SETD5: variants seen among roughly 807,000 people sequenced by gnomAD.
SETD5 encodes histone-lysine N-methyltransferase SETD5.
A neutral mutation model predicts 153.3 loss-of-function variants in SETD5; 44 were observed. That is an observed-to-expected ratio of 0.29 (90% CI 0.23 to 0.37). SETD5 has a LOEUF of 0.37. Among genes scored for constraint, SETD5 ranks in the 10% least tolerant of loss-of-function variants. SETD5 has a pLI of 1.00. For missense variants in SETD5, 1,544 were observed against 1,768.0 expected (o/e 0.87, Z 2.27); for synonymous variants, 716 against 645.2 (o/e 1.11, Z -1.66).
chr3:9,409,102 T>C (rs1375379540), intron 1 of SETD5, among the ~76,000 whole-genome samples: 2 of 152,156 alleles, frequency 1.3e-5, no homozygotes, highest in African/African-American at 4.8e-5. Context: ...AGATAATTGG[T>C]TGGAAAATGG....
chr3:9,466,711 T>C (rs2044625574), intron 18 of SETD5, among the ~76,000 whole-genome samples: 2 of 152,084 alleles, frequency 1.3e-5, no homozygotes, highest in South Asian at 2.1e-4. Context: ...TTGTGAAATA[T>C]CAAAAAGGTG....
intron 1 of SETD5, among the ~76,000 whole-genome samples, chr3:9,404,015 A>G (rs756425404): frequency 2.2e-4 from 34 of 152,364 alleles, no homozygotes; most frequent in Non-Finnish European, 4.1e-4. Context: ...ATATATGACA[A>G]GGTTTTTCAA....
chr3:9,399,191 T>G (rs2125386250), intron 1 of SETD5, among the ~76,000 whole-genome samples: 1 of 152,372 alleles, frequency 6.6e-6, no homozygotes, highest in South Asian at 2.1e-4. Context: ...GTTGGACAGA[T>G]GTTACATAGC....
chr3:9,433,855 G>T lies in SETD5; in HGVS notation c.82G>T (p.Val28Leu). ...DMAAGSDPES[V>L]EASPAVNEKS... ...TTCGCCTTTGTGCAGCCCTGAATCT[G>T]TGGAGGCTAGTCCAGCAGTTAATGA... Residue 28 changes from valine to leucine, a missense_variant, in exon 4 of 23, where the codon GTG (valine) becomes TTG (leucine). Coordinates refer to ENST00000402198, the MANE Select transcript of SETD5 (RefSeq NM_001080517.3). The T allele has an allele frequency of 6.2e-7, 1 of 1,613,846 alleles. No homozygotes were observed.
chr3:9,435,804 C>T lies in SETD5; in HGVS notation c.465C>T (p.His155=). The T allele has an allele frequency of 6.2e-7, 1 of 1,603,126 alleles. No homozygotes were observed. Among genetic ancestry groups the T allele is most frequent in the Non-Finnish European group, 8.5e-7 (1 of 1,174,620 alleles). ...CTGTGTTGTATACAGCAACACAGCACACACCTACAAGCATCACCTTAACTG... is the reference window on the plus strand; with the variant it reads ...CTGTGTTGTATACAGCAACACAGCATACACCTACAAGCATCACCTTAACTG... ...PSTVLYTATQ[H]TPTSITLTVR... Residue 155 remains histidine (H), a synonymous_variant, in exon 7 of 23, where the codon CAC becomes CAT. Coordinates refer to ENST00000402198, the MANE Select transcript of SETD5 (RefSeq NM_001080517.3).
intron 1 of SETD5, among the ~76,000 whole-genome samples, chr3:9,406,577 C>T (rs1439805456): frequency 7.0e-6 from 1 of 142,780 alleles, no homozygotes; most frequent in Non-Finnish European, 1.5e-5. Flanking sequence ...CACTGCACTC[C>T]AGCCTGGGCG....
chr3:9,465,715 T>C lies in SETD5; in HGVS notation c.2724+1043T>C, dbSNP rs11927241. ...TAGACCTCTACTTTTGGAGCAGACC[T>C]CTTTCTGGGTGAGGGAAAAAACCTC... On this transcript the variant is annotated intron_variant, in intron 18 of 22. Transcript: ENST00000402198. Among the ~76,000 whole-genome samples the C allele has an allele frequency of 1.9e-3, 283 of 152,336 alleles. 5 individuals are homozygous for C. Among genetic ancestry groups the C allele is most frequent in the African/African-American group, 6.2e-3 (258 of 41,586 alleles).
chr3:9,426,212 C>CTGTTTTTTTTTTTTTTTTTTTTTTTTT (rs1575321269), intron 2 of SETD5: 1 of 84,126 alleles, frequency 1.2e-5, no homozygotes, highest in Non-Finnish European at 2.3e-5. Context: ...TTCATCAGTC[C>CTGTTTTTTTTTTTTTTTTTTTTTTTTT]CTTTTTTTTT....
rs200137965 is a variant in SETD5 at position 9,445,200 on chromosome 3, A to G, written c.1340A>G (p.Lys447Arg). 2.6e-5 allele frequency: 42 copies of G among 1,613,746 alleles called. No individual in the cohort carries two copies. The highest frequency in any genetic ancestry group is 3.5e-5 in the Non-Finnish European group (41 of 1,179,810). Residue 447 changes from lysine (K) to arginine (R), a missense_variant, in exon 12 of 23, where the codon AAA (lysine) becomes AGA (arginine). This residue lies in a region of SETD5 where 782 missense variants were observed against 787.2 expected (regional missense o/e 0.99). Transcript: ENST00000402198. ...ACTAGACGTAGAAAAGCACGACGGA[A>G]AGAGCTAGAGATGGAGCAGCAGAAT... ...AETRRRKARRKELEMEQQNEA... is the reference protein window; with the variant it reads ...AETRRRKARRRELEMEQQNEA...
chr3:9,397,654 C>CGCCGCCGCT lies in SETD5; in HGVS notation c.-492_-491insTGCCGCCGC, dbSNP rs1553601362. On this transcript the variant is annotated 5_prime_UTR_variant, in exon 1 of 23. Coordinates refer to ENST00000402198, the MANE Select transcript of SETD5 (RefSeq NM_001080517.3). Reference sequence around the variant, plus strand: ...TCGGGCAGCGGGCTGAGTGAGCTGCCGCCGCCGCCGCCGCCGCCGCCGCCG... The same window carrying CGCCGCCGCT: ...TCGGGCAGCGGGCTGAGTGAGCTGCCGCCGCCGCTGCCGCCGCCGCCGCCGCCGCCGCCG... 1 of 8,968 alleles carries CGCCGCCGCT rather than the reference C, an allele frequency of 1.1e-4. No homozygotes were observed. 0.6% of individuals were successfully genotyped at this position (8,968 alleles called of 1,614,324 possible).
Position 9,440,627 on chromosome 3 carries a change from CCTA to C in SETD5, c.743_745del (p.Thr248del). 1 of 1,613,922 alleles carries C rather than the reference CCTA, an allele frequency of 6.2e-7. No individual in the cohort carries two copies. Among genetic ancestry groups the C allele is most frequent in the Non-Finnish European group, 8.5e-7 (1 of 1,179,844 alleles). On this transcript the variant is annotated inframe_deletion, in exon 8 of 23. Coordinates refer to ENST00000402198, the MANE Select transcript of SETD5 (RefSeq NM_001080517.3). ...TTCTAGCAAGGAATTTGTGGGCAAA[CCTA>C]CTATTTTAGACACTATTAATAAGAC...
chr3:9,447,165 C>T lies in SETD5; in HGVS notation c.1640C>T (p.Thr547Ile). The change falls in exon 14 of 23, where the codon ACA becomes ATA. Residue 547 changes from threonine (T) to isoleucine (I), a missense_variant. Transcript: ENST00000402198. Reference protein sequence around the residue: ...EQSNSDVEITTTTSETPVGEE... With the variant: ...EQSNSDVEITITTSETPVGEE... Reference sequence around the variant, plus strand: ...AGCAACTCTGATGTAGAGATTACTACAACCACCTCAGAGACTCCTGTTGGT... The same window carrying T: ...AGCAACTCTGATGTAGAGATTACTATAACCACCTCAGAGACTCCTGTTGGT... The T allele has an allele frequency of 6.2e-7, 1 of 1,613,982 alleles. No individual in the cohort carries two copies. The highest frequency in any genetic ancestry group is 8.5e-7 in the Non-Finnish European group (1 of 1,179,886).
chr3:9,410,473 A>G (rs931822418), intron 1 of SETD5, among the ~76,000 whole-genome samples: 1 of 152,222 alleles, frequency 6.6e-6, no homozygotes, highest in African/African-American at 2.4e-5. Flanking sequence ...TTAATTTGTT[A>G]CATTTTACTT....
intron 1 of SETD5, among the ~76,000 whole-genome samples, chr3:9,402,890 A>G (rs182497773): frequency 1.3e-5 from 2 of 152,364 alleles, no homozygotes; most frequent in African/African-American, 4.8e-5. Context: ...AGACCTCTGC[A>G]GCAGGATTTG....
At position 9,429,090 on chromosome 3, in the gene SETD5, AT is replaced by A. The variant is rs2039654691; in HGVS notation, c.71+82del. 3 of 941,684 alleles carry A rather than the reference AT, an allele frequency of 3.2e-6. No homozygotes were observed. The East Asian group carries it at 8.0e-5, about 25-fold the overall frequency. The allele number at this position is 941,684 out of a possible 1,614,324, so 58.3% of individuals were successfully genotyped here. ...TCTTATGGATAGCTAATAGGATAATATGTAGTATTTTCTTAACCAGATCCTA... is the reference window on the plus strand; with the variant it reads ...TCTTATGGATAGCTAATAGGATAATAGTAGTATTTTCTTAACCAGATCCTA... On this transcript the variant is annotated intron_variant, in intron 3 of 22. Transcript: ENST00000402198.
chr3:9,470,822 G>T lies in SETD5; in HGVS notation c.3088G>T (p.Glu1030Ter). 6.2e-7 allele frequency: 1 copy of T among 1,613,264 alleles called. No homozygotes were observed. Among genetic ancestry groups the T allele is most frequent in the South Asian group, 1.1e-5 (1 of 90,930 alleles). ...SPAEGFSSRY[E>*]HGLMKDLSRG... ...TGCAGAAGGATTTTCCAGCAGATAT[G>T]AACATGGCTTAATGAAAGACCTCTC... is the stretch of plus-strand genomic sequence containing the variant. The change falls in exon 19 of 23, where the codon GAA becomes TAA. Residue 1030 changes from glutamate to a stop codon, truncating the protein, a stop_gained. Coordinates refer to ENST00000402198, the MANE Select transcript of SETD5 (RefSeq NM_001080517.3). LOFTEE classifies it high-confidence loss of function.
At chr3:9,438,356 T>C (rs1372902057) in intron 7 of SETD5, among the ~76,000 whole-genome samples, 2 of 152,170 alleles carry the variant, frequency 1.3e-5, no homozygotes, top group Non-Finnish European at 2.9e-5. Flanking sequence ...ATAGCCCTAA[T>C]CCTGGCTACT....
chr3:9,447,349 T>C, intron 14 of SETD5, 42 bp downstream of exon 14: 1 of 1,574,162 alleles, frequency 6.4e-7, no homozygotes, highest in Non-Finnish European at 8.6e-7. Flanking sequence ...ATCCTCACCT[T>C]TGCTAATGTC....
intron 1 of SETD5, among the ~76,000 whole-genome samples, chr3:9,409,643 TA>T (rs2036245227): frequency 6.6e-6 from 1 of 152,230 alleles, no homozygotes; most frequent in South Asian, 2.1e-4. Flanking sequence ...TTCATTCTTT[TA>T]ATGAAAAATG....
Sources: gnomAD v4.1 joint callset for allele counts (sites outside exome capture counted in the v4.1 genomes callset) on GRCh38, gnomAD v4.1.1 for gene constraint, gnomAD v4.1.1 regional missense constraint, MANE v1.5 for transcripts, NCBI Gene and HGNC (gene_info 2026-07-23, HGNC 2026-07-21) for gene names.